FBN1: variants seen among roughly 807,000 people sequenced by gnomAD.
FBN1 encodes the protein fibrillin-1.
FBN1 carries 29 observed loss-of-function variants against 365.1 expected under a neutral mutation model. The observed-to-expected ratio is 0.08, with a 90% CI of 0.06 to 0.11. The LOEUF (loss-of-function observed/expected upper bound fraction) is 0.11. Among genes scored for constraint, FBN1 ranks in the 10% least tolerant of loss-of-function variants. The probability of loss-of-function intolerance (pLI) is 1.00; values close to 1 mark genes in which losing one functional copy is unlikely to be tolerated. For synonymous variants in FBN1, 1,210 were observed against 1,270.5 expected, an observed-to-expected ratio of 0.95 and a Z score of 1.01; for missense variants, 2,476 against 3,703.2, an observed-to-expected ratio of 0.67 and a Z score of 8.60.
At chr15:48,430,946 G>T in intron 55 of FBN1, 144 bp from the exon 56 acceptor site, 1 of 796,690 alleles carries the variant, frequency 1.3e-6, no homozygotes, top group Non-Finnish European at 2.1e-6. Context: ...CTGCTCTGTT[G>T]AGTATGATCT....
chr15:48,576,536 C>T (rs1168489133), intron 6 of FBN1, among the ~76,000 whole-genome samples: 1 of 152,140 alleles, frequency 6.6e-6, no homozygotes, highest in African/African-American at 2.4e-5. Flanking sequence ...TGCCTTAGCA[C>T]ATCCAGTGCC....
chr15:48,455,893 G>T lies in FBN1; in HGVS notation c.5422+744C>A, dbSNP rs184455211. On this transcript the variant is annotated intron_variant, in intron 44 of 65. Transcript: ENST00000316623. ...TGTGCTATAATACGTGCTCTAAGGG[G>T]TAATAACCCTTTCTAACATGAATAA... is the stretch of plus-strand genomic sequence containing the variant. 2.3e-3 allele frequency among the ~76,000 whole-genome samples: 354 copies of T among 152,236 alleles called. 1 individual carries two copies. The highest frequency in any genetic ancestry group is 6.8e-3 in the Middle Eastern group (2 of 294).
At chr15:48,617,020 T>G (rs935538117) in intron 2 of FBN1, among the ~76,000 whole-genome samples, 10 of 152,254 alleles carry the variant, frequency 6.6e-5, no homozygotes, top group African/African-American at 2.4e-4. Context: ...TAGAGTACGC[T>G]CTCCTAACCT....
chr15:48,603,304 A>G (rs2044581121), intron 4 of FBN1, among the ~76,000 whole-genome samples: 1 of 152,218 alleles, frequency 6.6e-6, no homozygotes, highest in Admixed American at 6.5e-5. Flanking sequence ...AGCCAGGAGG[A>G]GGCAGGCTCA....
intron 6 of FBN1, among the ~76,000 whole-genome samples, chr15:48,563,933 G>A (rs1400228331): frequency 3.9e-5 from 6 of 152,184 alleles, no homozygotes; most frequent in Admixed American, 3.3e-4. Context: ...GAGACTTGGA[G>A]ATGAAGTTTG....
At chr15:48,417,260 A>G (rs999181293) in intron 63 of FBN1, among the ~76,000 whole-genome samples, 6 of 152,084 alleles carry the variant, frequency 3.9e-5, no homozygotes, top group African/African-American at 1.4e-4. Flanking sequence ...TTTTTTTTAA[A>G]TTAGAAAACA....
chr15:48,439,325 T>C (rs2043095450), intron 50 of FBN1, among the ~76,000 whole-genome samples: 1 of 152,228 alleles, frequency 6.6e-6, no homozygotes, highest in Admixed American at 6.5e-5. Flanking sequence ...GGCAAGGACC[T>C]GGCAAGCACC....
intron 2 of FBN1, chr15:48,642,399 G>C (rs1240856724): frequency 6.6e-6 from 1 of 152,008 alleles, no homozygotes; most frequent in Non-Finnish European, 1.5e-5. Context: ...GAAAATGAAT[G>C]AGGTAGATCC....
chr15:48,606,013 C>A (rs1256483523), intron 4 of FBN1, among the ~76,000 whole-genome samples: 2 of 151,958 alleles, frequency 1.3e-5, no homozygotes, highest in East Asian at 3.8e-4. Flanking sequence ...CAAATTGAAA[C>A]CACAGTAAGA....
At chr15:48,549,988 A>G (rs1186434607) in intron 6 of FBN1, among the ~76,000 whole-genome samples, 4 of 152,226 alleles carry the variant, frequency 2.6e-5, no homozygotes, top group Non-Finnish European at 4.4e-5. Flanking sequence ...GTTTTCCCCA[A>G]ACGGCAGCAG....
chr15:48,411,488 T>C (rs1407441457), intron 65 of FBN1, 109 bp from the exon 66 acceptor site: 1 of 960,312 alleles, frequency 1.0e-6, no homozygotes, highest in African/African-American at 1.6e-5. Flanking sequence ...TTCTGCCTTA[T>C]GCTGCATACA....
At chr15:48,452,018 T>C (rs2043204940) in intron 45 of FBN1, among the ~76,000 whole-genome samples, 2 of 152,262 alleles carry the variant, frequency 1.3e-5, no homozygotes, top group Non-Finnish European at 2.9e-5. Context: ...TGATGTTTGC[T>C]GCCTTCAGTG....
At chr15:48,522,654 T>G (rs1352221750) in intron 9 of FBN1, among the ~76,000 whole-genome samples, 1 of 152,162 alleles carries the variant, frequency 6.6e-6, no homozygotes, top group Non-Finnish European at 1.5e-5. Flanking sequence ...AAAGCCCTCA[T>G]GTCTTGAGGT....
chr15:48,440,795 C>T (rs2043106276), intron 50 of FBN1, among the ~76,000 whole-genome samples: 1 of 151,502 alleles, frequency 6.6e-6, no homozygotes, highest in African/African-American at 2.4e-5. Flanking sequence ...TTGCTCTAGA[C>T]TAAATATGGC....
At position 48,427,700 on chromosome 15, in the gene FBN1, G is replaced by A. The variant is rs397515843; in HGVS notation, c.7071C>T (p.Pro2357=). The A allele has an allele frequency of 1.5e-5, 24 of 1,613,996 alleles. No homozygotes were observed. The highest frequency in any genetic ancestry group is 1.6e-4 in the Middle Eastern group (1 of 6,082). The change falls in exon 58 of 66, where the codon CCC becomes CCT. Residue 2357 remains proline, a synonymous_variant. Transcript: ENST00000316623. The part of the protein sequence containing the change: ...MCQIGSSNRN[P]VTKSECCCDG... ...CACAGCAGCATTCCGATTTGGTGAC[G>A]GGGTTCCTGTTGCTGGAGCCGATCT...
chr15:48,519,771 T>C (rs1263779862), intron 10 of FBN1, among the ~76,000 whole-genome samples: 2 of 152,182 alleles, frequency 1.3e-5, no homozygotes, highest in East Asian at 3.8e-4. Flanking sequence ...TAAACTACTA[T>C]AAAGAACAAG....
intron 32 of FBN1, among the ~76,000 whole-genome samples, chr15:48,476,297 G>A (rs995764908): frequency 9.2e-5 from 14 of 152,160 alleles, no homozygotes; most frequent in African/African-American, 3.4e-4. Flanking sequence ...TTTTTGTGGA[G>A]TTTTGCCTAA....
Position 48,470,617 on chromosome 15 carries a change from GC to G in FBN1, c.4459+16del. ...GGGACACCAGGGAGCTGATTTTGATGCCAGTGGAGGTCTTACCTGTGCAGTT... is the reference window on the plus strand; with the variant it reads ...GGGACACCAGGGAGCTGATTTTGATGCAGTGGAGGTCTTACCTGTGCAGTT... On this transcript the variant is annotated intron_variant, in intron 36 of 65. Coordinates refer to ENST00000316623, the MANE Select transcript of FBN1 (RefSeq NM_000138.5). 2 of 1,613,690 alleles carry G rather than the reference GC, an allele frequency of 1.2e-6. No individual in the cohort carries two copies. Among genetic ancestry groups the G allele is most frequent in the Non-Finnish European group, 1.7e-6 (2 of 1,179,984 alleles).
At chr15:48,425,127 G>GGA (rs2042969189) in intron 60 of FBN1, among the ~76,000 whole-genome samples, 1 of 152,224 alleles carries the variant, frequency 6.6e-6, no homozygotes, top group African/African-American at 2.4e-5. Context: ...AGACAGTCAT[G>GGA]GATGGCCACC....
Sources: allele counts gnomAD v4.1 joint callset (sites outside exome capture counted in the v4.1 genomes callset), GRCh38; gene constraint gnomAD v4.1.1; transcripts MANE v1.5; gene names NCBI Gene and HGNC (gene_info 2026-07-23, HGNC 2026-07-21).